The following OPCML variants were observed in gnomAD, a reference collection of about 807,000 sequenced individuals.
OPCML encodes the protein opioid-binding protein/cell adhesion molecule.
Under a neutral mutation model 37.8 loss-of-function variants are expected in OPCML, and 13 were observed. That is an observed-to-expected ratio of 0.34 (90% CI 0.22 to 0.55). The LOEUF is 0.55. OPCML is among the 20% of genes least tolerant of loss of function. The probability of loss-of-function intolerance (pLI) is 0.91; values close to 1 mark genes in which losing one functional copy is unlikely to be tolerated. For synonymous variants in OPCML, 176 were observed against 168.8 expected (o/e 1.04, Z -0.33); for missense variants, 341 against 435.6 (o/e 0.78, Z 1.93).
chr11:132,759,456 T>A (rs1364991553), intron 2 of OPCML, among the ~76,000 whole-genome samples: 1 of 152,190 alleles, frequency 6.6e-6, no homozygotes, highest in African/African-American at 2.4e-5. Context: ...AGTAGGCTAT[T>A]AATTAGTGTC....
chr11:133,204,942 T>C (rs577182432), intron 1 of OPCML, among the ~76,000 whole-genome samples: 180 of 143,780 alleles, frequency 1.3e-3, no homozygotes, highest in Admixed American at 1.9e-3. Flanking sequence ...TTTGTCCTCT[T>C]TCTTGGAACA....
intron 2 of OPCML, among the ~76,000 whole-genome samples, chr11:132,932,340 G>T (rs934317989): frequency 3.3e-5 from 5 of 152,092 alleles, no homozygotes; most frequent in Non-Finnish European, 5.9e-5. Context: ...AAAAACAGGG[G>T]CATGGAGGAA....
chr11:132,612,704 A>G (rs1447111931), intron 3 of OPCML, among the ~76,000 whole-genome samples: 2 of 152,142 alleles, frequency 1.3e-5, no homozygotes, highest in African/African-American at 2.4e-5. Flanking sequence ...ATGATCCCCT[A>G]TAGGGTTGAG....
At chr11:133,475,046 C>T (rs561406318) in intron 1 of OPCML, among the ~76,000 whole-genome samples, 152 of 152,258 alleles carry the variant, frequency 1.0e-3, no homozygotes, top group African/African-American at 3.5e-3. Flanking sequence ...ACCTTTACCC[C>T]CTAGGCCTGA....
At chr11:132,790,745 CA>C (rs1270816698) in intron 2 of OPCML, among the ~76,000 whole-genome samples, 1 of 152,206 alleles carries the variant, frequency 6.6e-6, no homozygotes, top group Non-Finnish European at 1.5e-5. Context: ...GGTGGAGGCA[CA>C]TGCACACACC....
chr11:133,385,318 A>G (rs2136792586), intron 1 of OPCML, among the ~76,000 whole-genome samples: 1 of 152,326 alleles, frequency 6.6e-6, no homozygotes, highest in Admixed American at 6.5e-5. Context: ...AGACCCTCTC[A>G]GATTCCCGAC....
At chr11:132,696,053 A>G (rs1261355545) in intron 2 of OPCML, among the ~76,000 whole-genome samples, 1 of 152,164 alleles carries the variant, frequency 6.6e-6, no homozygotes, top group Non-Finnish European at 1.5e-5. Context: ...CAAAACACAG[A>G]CAGCCCACTA....
intron 1 of OPCML, among the ~76,000 whole-genome samples, chr11:133,155,400 C>G (rs1950044314): frequency 6.6e-6 from 1 of 152,122 alleles, no homozygotes; most frequent in Non-Finnish European, 1.5e-5. Flanking sequence ...TTTTCACCAC[C>G]CGTCTCCTTC....
At chr11:133,489,031 C>A (rs1947595094) in intron 1 of OPCML, among the ~76,000 whole-genome samples, 2 of 151,526 alleles carry the variant, frequency 1.3e-5, no homozygotes, top group African/African-American at 4.9e-5. Flanking sequence ...TACCCATATG[C>A]AGAAGAATGA....
In OPCML at chr11:132,420,089, A is replaced by T. The variant is rs2095952492; in HGVS notation, c.*104T>A. On this transcript the variant is annotated 3_prime_UTR_variant, in exon 8 of 8. Transcript: ENST00000524381. Reference sequence around the variant, plus strand: ...AAAAAGAAAACAAATCTAGAATAACAGAAAAAAACAAAAAGAAGCCCAAGC... The same window carrying T: ...AAAAAGAAAACAAATCTAGAATAACTGAAAAAAACAAAAAGAAGCCCAAGC... The T allele has an allele frequency of 1.1e-6, 1 of 897,474 alleles. No homozygotes were observed. The highest frequency in any genetic ancestry group is 1.7e-6 in the Non-Finnish European group (1 of 585,840). The allele number at this position is 897,474 out of a possible 1,614,324, so 55.6% of individuals were successfully genotyped here. A position where few individuals can be genotyped will look rare whatever the true frequency, so the allele number is the denominator to read the frequency against.
At chr11:133,279,892 A>C (rs992730274) in intron 1 of OPCML, among the ~76,000 whole-genome samples, 4 of 152,140 alleles carry the variant, frequency 2.6e-5, no homozygotes, top group African/African-American at 9.7e-5. Context: ...CTGGTGCAGG[A>C]GTTAATTGGT....
intron 1 of OPCML, among the ~76,000 whole-genome samples, chr11:133,368,760 A>G (rs1475182413): frequency 1.3e-5 from 2 of 152,192 alleles, no homozygotes; most frequent in African/African-American, 4.8e-5. Context: ...CTCATTCTGA[A>G]AATAAGAAGG....
intron 1 of OPCML, among the ~76,000 whole-genome samples, chr11:133,203,817 G>A (rs1470881257): frequency 6.6e-6 from 1 of 152,098 alleles, no homozygotes; most frequent in East Asian, 1.9e-4. Flanking sequence ...CCAGTACTTT[G>A]GGAGGCTGAG....
At chr11:133,101,027 C>T (rs913368874) in intron 1 of OPCML, among the ~76,000 whole-genome samples, 9 of 152,208 alleles carry the variant, frequency 5.9e-5, no homozygotes, top group African/African-American at 2.2e-4. Flanking sequence ...TGGGTTCAAG[C>T]GATTCTCCTG....
intron 3 of OPCML, among the ~76,000 whole-genome samples, chr11:132,530,907 C>T (rs1334990777): frequency 6.6e-6 from 1 of 152,150 alleles, no homozygotes; most frequent in Non-Finnish European, 1.5e-5. Flanking sequence ...AGATATGACT[C>T]ATCTTTCAAA....
chr11:133,272,031 C>G (rs1401503085), intron 1 of OPCML, among the ~76,000 whole-genome samples: 1 of 152,118 alleles, frequency 6.6e-6, no homozygotes, highest in Non-Finnish European at 1.5e-5. Context: ...TGCAGGTATG[C>G]CTCTTGGTGC....
At chr11:132,578,330 C>A (rs546082309) in intron 3 of OPCML, among the ~76,000 whole-genome samples, 1 of 152,216 alleles carries the variant, frequency 6.6e-6, no homozygotes, top group East Asian at 1.9e-4. Context: ...CCAAAAAAAA[C>A]AAGTTCAATG....
chr11:133,009,034 A>C (rs1408953824), intron 1 of OPCML: 1 of 985,310 alleles, frequency 1.0e-6, no homozygotes, highest in African/African-American at 1.7e-5. Context: ...AGTTTTGATT[A>C]CTTAAACATA....
chr11:132,943,163 G>A lies in OPCML; in HGVS notation c.62-153C>T, dbSNP rs1945643695. ...TGGTCCCCCGCCCCGCGCACCAGCG[G>A]GCTCGGGAAGCGGTGCGGGGAGGAG... On this transcript the variant is annotated intron_variant, in intron 1 of 7. Coordinates refer to ENST00000524381, the MANE Select transcript of OPCML (RefSeq NM_001012393.5). This position sits in a 1 kb window ranked among gnomAD's most constrained non-coding sequence, Gnocchi z 4.3. 6 of 1,599,790 alleles carry A rather than the reference G, an allele frequency of 3.8e-6. No homozygotes were observed. In the Admixed American group the frequency reaches 5.0e-5, roughly 13 times the overall value.
Sources: allele counts gnomAD v4.1 joint callset (sites outside exome capture counted in the v4.1 genomes callset), GRCh38; gene constraint gnomAD v4.1.1; non-coding constraint Gnocchi (gnomAD v3.1); transcripts MANE v1.5; gene names NCBI Gene and HGNC (gene_info 2026-07-23, HGNC 2026-07-21).